POTEH: variants seen among roughly 807,000 people sequenced by gnomAD.
POTEH encodes the protein POTE ankyrin domain family member H, also known as ANKRD26-like family C member 3.
A neutral mutation model predicts 41.7 loss-of-function variants in POTEH; 6 were observed. That is an observed-to-expected ratio of 0.14 (90% CI 0.08 to 0.28). The LOEUF is 0.28. POTEH is among the 10% of genes least tolerant of loss of function. The pLI is 1.00. For missense variants in POTEH, 115 were observed against 533.5 expected (o/e 0.22, Z 7.73); for synonymous variants, 38 against 179.9 (o/e 0.21, Z 6.31).
intron 1 of POTEH, among the ~76,000 whole-genome samples, chr22:15,691,392 G>A (rs1306070222): frequency 7.9e-6 from 1 of 126,972 alleles, no homozygotes; most frequent in East Asian, 2.1e-4. Context: ...TGGACGCGGT[G>A]GCAGGCACCT....
rs1165699401 is a variant in POTEH at position 15,708,513 on chromosome 22, C to CAA, written c.1308+451_1308+452dup. On this transcript the variant is annotated intron_variant, in intron 7 of 10. Coordinates refer to ENST00000343518, the MANE Select transcript of POTEH (RefSeq NM_001136213.1). ...TGGGTGACAAAGCAAGACTCTGTGT[C>CAA]AAAAAAAAAAAAAAAAAAAAAAAAA... 7.0e-3 allele frequency among the ~76,000 whole-genome samples: 51 copies of CAA among 7,238 alleles called. 1 individual carries two copies. The highest frequency in any genetic ancestry group is 7.3e-3 in the African/African-American group (8 of 1,100). The allele number at this position is 7,238 out of a possible 152,430, so 4.7% of individuals were successfully genotyped here.
chr22:15,692,671 C>A (rs912868394), intron 1 of POTEH, among the ~76,000 whole-genome samples: 6 of 114,942 alleles, frequency 5.2e-5, no homozygotes, highest in Non-Finnish European at 9.6e-5. Flanking sequence ...AAGAGAATTG[C>A]TTGAACCAGG....
At chr22:15,713,836 T>C (rs1431766933) in intron 9 of POTEH, among the ~76,000 whole-genome samples, 1 of 152,300 alleles carries the variant, frequency 6.6e-6, no homozygotes, top group Non-Finnish European at 1.5e-5. Context: ...TGCTAGTGAT[T>C]TCCAAATGCA....
chr22:15,690,775 G>T, intron 1 of POTEH, 66 bp downstream of exon 1: 1 of 1,388,960 alleles, frequency 7.2e-7, no homozygotes, highest in Non-Finnish European at 1.0e-6. Context: ...CCTCCTGGCC[G>T]GGGAGGAGGG....
chr22:15,703,993 G>C (rs1170553014), intron 6 of POTEH, among the ~76,000 whole-genome samples: 36 of 151,792 alleles, frequency 2.4e-4, no homozygotes, highest in Non-Finnish European at 4.7e-4. Flanking sequence ...AGAGACAGGA[G>C]CTTGTTATTA....
intron 1 of POTEH, among the ~76,000 whole-genome samples, chr22:15,691,860 A>G (rs1348625202): frequency 3.4e-5 from 5 of 149,098 alleles, no homozygotes; most frequent in African/African-American, 9.7e-5. Context: ...TTCATAATTC[A>G]TTTTTGGAGA....
intron 5 of POTEH, among the ~76,000 whole-genome samples, chr22:15,701,801 T>TA (rs1160763869): frequency 3.0e-5 from 1 of 33,396 alleles, no homozygotes; most frequent in East Asian, 9.0e-4. Flanking sequence ...TCATGGAAAC[T>TA]AAAAAAAATA....
At chr22:15,697,943 C>T (rs1321529647) in intron 3 of POTEH, among the ~76,000 whole-genome samples, 1,824 of 134,174 alleles carry the variant, frequency 0.014, no homozygotes, top group East Asian at 0.039. Flanking sequence ...TGTTTTTTAT[C>T]AATTGAAGCT....
In POTEH at chr22:15,691,933, A is replaced by G. The variant is rs1445718714; in HGVS notation, c.632+1224A>G. ...TAGATTAAAAATTTTAAATATACAAAAAGAGAAACATACCAGAAGAAAACA... is the reference window on the plus strand; with the variant it reads ...TAGATTAAAAATTTTAAATATACAAGAAGAGAAACATACCAGAAGAAAACA... On this transcript the variant is annotated intron_variant, in intron 1 of 10. Transcript: ENST00000343518. Among the ~76,000 whole-genome samples, 533 of 146,540 alleles carry G rather than the reference A, an allele frequency of 3.6e-3. 1 individual carries two copies. Among genetic ancestry groups the G allele is most frequent in the African/African-American group, 0.013 (512 of 40,110 alleles).
At chr22:15,692,285 G>A (rs879551742) in intron 1 of POTEH, among the ~76,000 whole-genome samples, 65 of 144,846 alleles carry the variant, frequency 4.5e-4, no homozygotes, top group Non-Finnish European at 8.4e-4. Context: ...GGTTACAGGC[G>A]TGAGCCACCA....
intron 1 of POTEH, among the ~76,000 whole-genome samples, chr22:15,692,076 G>C (rs577604630): frequency 2.6e-4 from 35 of 134,764 alleles, no homozygotes; most frequent in African/African-American, 8.9e-4. Context: ...TGCGATCTCA[G>C]CTCACTGCAA....
chr22:15,691,064 C>T (rs1989296014), intron 1 of POTEH, among the ~76,000 whole-genome samples: 1 of 143,646 alleles, frequency 7.0e-6, no homozygotes. Flanking sequence ...AATGAAGCCC[C>T]ATAACACATC....
At chr22:15,713,289 A>G (rs1432596816) in intron 9 of POTEH, among the ~76,000 whole-genome samples, 12 of 151,434 alleles carry the variant, frequency 7.9e-5, no homozygotes, top group African/African-American at 2.9e-4. Context: ...CTTACACCTC[A>G]TTTTATTTAA....
At chr22:15,699,710 T>C in intron 4 of POTEH, 1 of 249,726 alleles carries the variant, frequency 4.0e-6, no homozygotes, top group Admixed American at 5.1e-5. Context: ...TTAGTTATTT[T>C]ACCCCCTAGC....
intron 9 of POTEH, among the ~76,000 whole-genome samples, chr22:15,718,944 A>G (rs2154834): frequency 0.13 from 15,659 of 118,400 alleles, no homozygotes; most frequent in African/African-American, 0.27. Context: ...TTTATAAAAT[A>G]CATAGGAATC....
Sources: gnomAD v4.1 joint callset for allele counts (sites outside exome capture counted in the v4.1 genomes callset) on GRCh38, gnomAD v4.1.1 for gene constraint, MANE v1.5 for transcripts, NCBI Gene and HGNC (gene_info 2026-07-23, HGNC 2026-07-21) for gene names.